Variants in LRBA observed in about 807,000 individuals in gnomAD.
LRBA encodes lipopolysaccharide-responsive and beige-like anchor protein.
In LRBA, 176 loss-of-function variants were observed where a neutral mutation model predicts 330.0. That is an observed-to-expected ratio of 0.53 (90% CI 0.47 to 0.60). The LOEUF is 0.60. Ranked by LOEUF, LRBA falls within the 20% of genes least tolerant of loss-of-function variation. The probability of loss-of-function intolerance (pLI) is 0.00; values close to 1 mark genes in which losing one functional copy is unlikely to be tolerated. For synonymous variants in LRBA, 1,230 were observed against 1,193.0 expected (o/e 1.03, Z -0.64); for missense variants, 3,259 against 3,444.8 (o/e 0.95, Z 1.35).
At chr4:150,853,677 AT>A (rs972989538) in intron 22 of LRBA, among the ~76,000 whole-genome samples, 2 of 151,906 alleles carry the variant, frequency 1.3e-5, no homozygotes, top group East Asian at 1.9e-4. Flanking sequence ...GAAAAAGTAA[AT>A]TTTTTTTTAA....
chr4:150,520,686 CAGAA>C (rs1275721331), intron 40 of LRBA, among the ~76,000 whole-genome samples: 2 of 152,104 alleles, frequency 1.3e-5, no homozygotes, highest in Non-Finnish European at 2.9e-5. Flanking sequence ...AACGCAGAAA[CAGAA>C]AGCCAAATAC....
chr4:150,812,870 A>T (rs1486380277), intron 31 of LRBA, among the ~76,000 whole-genome samples: 1 of 152,198 alleles, frequency 6.6e-6, no homozygotes, highest in Non-Finnish European at 1.5e-5. Context: ...ATAGAGAAAC[A>T]GCATATTGGA....
At chr4:150,846,527 TC>T (rs978251411) in intron 26 of LRBA, among the ~76,000 whole-genome samples, 2 of 132,914 alleles carry the variant, frequency 1.5e-5, no homozygotes, top group African/African-American at 5.9e-5. Context: ...AGGCTCCATC[TC>T]CAAAAAAAAA....
intron 37 of LRBA, among the ~76,000 whole-genome samples, chr4:150,639,409 C>A (rs1209821533): frequency 1.5e-5 from 2 of 135,786 alleles, no homozygotes; most frequent in Non-Finnish European, 3.3e-5. Context: ...AACACATAAG[C>A]AAAACGTGGG....
chr4:150,693,563 C>CA (rs70941428), intron 36 of LRBA, among the ~76,000 whole-genome samples: 625 of 52,352 alleles, frequency 0.012, 28 homozygotes, highest in African/African-American at 0.035. Flanking sequence ...GACTCCGTCT[C>CA]AAAAAAAAAA....
intron 2 of LRBA, among the ~76,000 whole-genome samples, chr4:151,006,644 G>C (rs1290966705): frequency 6.6e-6 from 1 of 152,060 alleles, no homozygotes; most frequent in Admixed American, 6.5e-5. Context: ...AACTAGGTCA[G>C]TATGAGAAAT....
chr4:150,800,585 C>T (rs1054923092), intron 33 of LRBA, among the ~76,000 whole-genome samples: 2 of 152,142 alleles, frequency 1.3e-5, no homozygotes, highest in African/African-American at 4.8e-5. Flanking sequence ...ACTCTAAGAA[C>T]ATCCAAAGGA....
intron 36 of LRBA, among the ~76,000 whole-genome samples, chr4:150,724,947 T>C (rs1729476338): frequency 1.3e-5 from 2 of 150,276 alleles, no homozygotes; most frequent in Admixed American, 6.6e-5. Context: ...ATTCTATAAT[T>C]GAAAAATGCA....
chr4:150,303,123 C>T (rs1347955510), intron 52 of LRBA, among the ~76,000 whole-genome samples: 1 of 152,246 alleles, frequency 6.6e-6, no homozygotes, highest in East Asian at 1.9e-4. Flanking sequence ...CCAGGAGAAC[C>T]CTTTTGGAAC....
chr4:150,282,538 C>T lies in LRBA; in HGVS notation c.8228G>A (p.Cys2743Tyr). The change falls in exon 55 of 57, where the codon TGT (cysteine) becomes TAT (tyrosine). Residue 2743 changes from cysteine to tyrosine, a missense_variant. By Grantham distance (194) the Cys-to-Tyr change is radical. Coordinates refer to ENST00000651943, the MANE Select transcript of LRBA (RefSeq NM_001364905.1). ...GAGGCCGTTTTCATAGAATATGACA[C>T]AATGACCCTCTCTTGAAGCCTGAAT... The part of the protein sequence containing the change: ...KLIQASREGH[C>Y]VIFYENGLFC... The T allele has an allele frequency of 6.2e-7, 1 of 1,614,118 alleles. No homozygotes were observed. The highest frequency in any genetic ancestry group is 8.5e-7 in the Non-Finnish European group (1 of 1,179,980).
At chr4:150,754,423 T>C (rs1463374117) in intron 35 of LRBA, among the ~76,000 whole-genome samples, 1 of 145,922 alleles carries the variant, frequency 6.9e-6, no homozygotes, top group East Asian at 2.0e-4. Flanking sequence ...GAAACTTCTA[T>C]ACTAATACAA....
At chr4:150,460,427 G>C (rs1191304842) in intron 44 of LRBA, among the ~76,000 whole-genome samples, 1 of 151,782 alleles carries the variant, frequency 6.6e-6, no homozygotes, top group South Asian at 2.1e-4. Context: ...CTATGGTTCT[G>C]TCACTCAGTT....
At chr4:150,764,334 T>C (rs1233550331) in intron 34 of LRBA, among the ~76,000 whole-genome samples, 1 of 151,824 alleles carries the variant, frequency 6.6e-6, no homozygotes, top group East Asian at 1.9e-4. Flanking sequence ...AAGAAAAGGA[T>C]AAAAATTGAA....
intron 35 of LRBA, among the ~76,000 whole-genome samples, chr4:150,758,315 A>T (rs1734589521): frequency 6.6e-6 from 1 of 152,190 alleles, no homozygotes; most frequent in Admixed American, 6.5e-5. Context: ...GCTGTCTGCT[A>T]TATAAAGATC....
intron 28 of LRBA, among the ~76,000 whole-genome samples, chr4:150,843,029 T>A (rs1749330275): frequency 6.6e-6 from 1 of 152,142 alleles, no homozygotes; most frequent in South Asian, 2.1e-4. Flanking sequence ...ATAGGGTTCG[T>A]GCTCCTATGA....
chr4:150,793,258 GC>G (rs919715597), intron 34 of LRBA, among the ~76,000 whole-genome samples: 7 of 151,522 alleles, frequency 4.6e-5, no homozygotes, highest in Admixed American at 2.0e-4. Flanking sequence ...GACCATGATT[GC>G]ACCACTGAAC....
At chr4:150,838,288 G>A (rs1748479591) in intron 28 of LRBA, among the ~76,000 whole-genome samples, 1 of 152,094 alleles carries the variant, frequency 6.6e-6, no homozygotes, top group African/African-American at 2.4e-5. Context: ...CTCTTCTCGA[G>A]GAGTATGTTT....
intron 48 of LRBA, among the ~76,000 whole-genome samples, chr4:150,331,975 T>C (rs1360619409): frequency 2.6e-5 from 4 of 152,200 alleles, no homozygotes; most frequent in African/African-American, 7.2e-5. Context: ...TAACTGTCAA[T>C]ATTTTATTGA....
intron 44 of LRBA, among the ~76,000 whole-genome samples, chr4:150,442,857 A>C (rs1302434758): frequency 6.6e-6 from 1 of 152,162 alleles, no homozygotes; most frequent in African/African-American, 2.4e-5. Context: ...CACTATTAGG[A>C]AATGTTACAT....
Sources: gnomAD v4.1 joint callset for allele counts (sites outside exome capture counted in the v4.1 genomes callset) on GRCh38, gnomAD v4.1.1 for gene constraint, MANE v1.5 for transcripts, NCBI Gene and HGNC (gene_info 2026-07-23, HGNC 2026-07-21) for gene names.